SCHIP1: variants seen among roughly 807,000 people sequenced by gnomAD.
The protein encoded by SCHIP1 is schwannomin-interacting protein 1.
A neutral mutation model predicts 29.7 loss-of-function variants in SCHIP1; 8 were observed. That is an observed-to-expected ratio of 0.27 (90% confidence interval 0.16 to 0.49). The LOEUF is 0.49. SCHIP1 is among the 20% of genes least tolerant of loss of function. SCHIP1 has a pLI of 0.99. For synonymous variants in SCHIP1, 76 were observed against 94.9 expected (o/e 0.80, Z 1.16); for missense variants, 193 against 294.6 (o/e 0.66, Z 2.52).
the SCHIP1 span, among the ~76,000 whole-genome samples, chr3:159,830,497 G>A: frequency 6.6e-6 from 1 of 151,922 alleles, no homozygotes; most frequent in Admixed American, 6.6e-5. Context: ...GCATAACCAA[G>A]GTCAGAATAG....
chr3:159,419,643 T>C, the SCHIP1 span, among the ~76,000 whole-genome samples: 331 of 152,242 alleles, frequency 2.2e-3, 2 homozygotes, highest in African/African-American at 7.8e-3. Flanking sequence ...ACCCCATCTC[T>C]ACTAAAAATG....
At chr3:159,423,224 G>C in the SCHIP1 span, among the ~76,000 whole-genome samples, 2 of 152,184 alleles carry the variant, frequency 1.3e-5, no homozygotes, top group African/African-American at 2.4e-5. Context: ...TGGGTGCAGC[G>C]CACCATGCGC....
At chr3:159,483,339 C>T in the SCHIP1 span, among the ~76,000 whole-genome samples, 5 of 152,074 alleles carry the variant, frequency 3.3e-5, no homozygotes, top group African/African-American at 7.2e-5. Context: ...GTGGGAGAAA[C>T]GAGAACAACC....
At chr3:159,724,977 A>G in the SCHIP1 span, among the ~76,000 whole-genome samples, 6 of 152,248 alleles carry the variant, frequency 3.9e-5, no homozygotes. Context: ...TTACCTGTCT[A>G]AAGTTGTAAT....
the SCHIP1 span, among the ~76,000 whole-genome samples, chr3:159,286,173 G>A: frequency 6.6e-6 from 1 of 152,046 alleles, no homozygotes; most frequent in African/African-American, 2.4e-5. Flanking sequence ...TGCCACCCAG[G>A]TAATAAGCGT....
At chr3:159,622,706 C>T in the SCHIP1 span, among the ~76,000 whole-genome samples, 1 of 152,088 alleles carries the variant, frequency 6.6e-6, no homozygotes, top group African/African-American at 2.4e-5. Context: ...ATCACGAGGT[C>T]AGGAGATCGA....
chr3:159,852,161 C>G (rs1400795292), intron 1 of SCHIP1, among the ~76,000 whole-genome samples: 1 of 152,198 alleles, frequency 6.6e-6, no homozygotes, highest in Non-Finnish European at 1.5e-5. Flanking sequence ...AGTTCAGATG[C>G]CAAAAGGTTA....
exon 7 of SCHIP1, chr3:159,896,870 G>A (rs1466004735): frequency 5.4e-6 from 7 of 1,288,634 alleles, no homozygotes; most frequent in African/African-American, 1.5e-5. Flanking sequence ...ACAAATATCA[G>A]TGTTAGTCAT....
chr3:159,719,768 C>T, the SCHIP1 span, among the ~76,000 whole-genome samples: 1 of 152,284 alleles, frequency 6.6e-6, no homozygotes, highest in African/African-American at 2.4e-5. Flanking sequence ...GAAATAGGAA[C>T]ATTTTACACT....
chr3:159,422,860 T>G, the SCHIP1 span, among the ~76,000 whole-genome samples: 2,868 of 152,282 alleles, frequency 0.019, 112 homozygotes, highest in African/African-American at 0.066. Context: ...ATTGGGCATT[T>G]GGGCAGTTTC....
chr3:159,701,758 C>T, the SCHIP1 span, among the ~76,000 whole-genome samples: 2 of 151,002 alleles, frequency 1.3e-5, no homozygotes, highest in African/African-American at 4.9e-5. Context: ...CCTCAGTGAC[C>T]TTTTTTTTTC....
chr3:159,864,568 G>T (rs1036579578), intron 1 of SCHIP1, among the ~76,000 whole-genome samples: 1 of 151,148 alleles, frequency 6.6e-6, no homozygotes, highest in Non-Finnish European at 1.5e-5. Context: ...AAAAGGGGGT[G>T]CTATATATAT....
At chr3:159,603,150 A>G in the SCHIP1 span, among the ~76,000 whole-genome samples, 1 of 152,212 alleles carries the variant, frequency 6.6e-6, no homozygotes, top group Non-Finnish European at 1.5e-5. Context: ...TTATCCATTT[A>G]TTATAAAGGG....
chr3:159,767,128 A>T, the SCHIP1 span, among the ~76,000 whole-genome samples: 1 of 152,222 alleles, frequency 6.6e-6, no homozygotes, highest in Admixed American at 6.5e-5. Context: ...ATTTGAGGTT[A>T]ATGGTGGATT....
At position 159,860,919 on chromosome 3, in the gene SCHIP1, C is replaced by T. The variant is rs141831003; in HGVS notation, c.31-5244C>T. On this transcript the variant is annotated intron_variant, in intron 1 of 6. Transcript: ENST00000445224. ...TCCTCTTGGTCTGACAGGCCCTTTC[C>T]GGCTCTGTGGGTTTCATCATCTGTG... is the stretch of plus-strand genomic sequence containing the variant. 9.3e-4 allele frequency among the ~76,000 whole-genome samples: 141 copies of T among 152,214 alleles called. 1 individual carries two copies. The East Asian group carries it at 0.022, about 24-fold the overall frequency.
the SCHIP1 span, among the ~76,000 whole-genome samples, chr3:159,617,072 T>C: frequency 2.6e-5 from 4 of 152,194 alleles, no homozygotes; most frequent in African/African-American, 9.7e-5. Context: ...ATTGATGCTT[T>C]TGGGTTCTTG....
the SCHIP1 span, among the ~76,000 whole-genome samples, chr3:159,746,044 G>A: frequency 2.6e-5 from 4 of 152,306 alleles, no homozygotes; most frequent in Admixed American, 6.5e-5. Context: ...TTGCCATGGG[G>A]TGATAGTCTC....
the SCHIP1 span, among the ~76,000 whole-genome samples, chr3:159,531,052 A>G: frequency 6.6e-6 from 1 of 152,244 alleles, no homozygotes; most frequent in Non-Finnish European, 1.5e-5. Context: ...GTTTGTGGAC[A>G]TATGGCACTT....
At chr3:159,834,630 A>G in the SCHIP1 span, among the ~76,000 whole-genome samples, 1 of 151,936 alleles carries the variant, frequency 6.6e-6, no homozygotes, top group African/African-American at 2.4e-5. Context: ...GCATTCCTCA[A>G]CCCCAAAATC....
Sources: allele counts gnomAD v4.1 joint callset (sites outside exome capture counted in the v4.1 genomes callset), GRCh38; gene constraint gnomAD v4.1.1; transcripts MANE v1.5; gene names NCBI Gene and HGNC (gene_info 2026-07-23, HGNC 2026-07-21).